The following SERPINA9 variants were observed in gnomAD, a reference collection of about 807,000 sequenced individuals.
SERPINA9 encodes serpin family A member 9, also known as serpin A9.
Under a neutral mutation model 24.5 loss-of-function variants are expected in SERPINA9, and 32 were observed. The observed-to-expected ratio is 1.30, with a 90% CI of 0.98 to 1.75. SERPINA9 has a LOEUF of 1.75. Among genes scored for constraint, SERPINA9 ranks in the 40% most tolerant of loss-of-function variants. The pLI, the probability that SERPINA9 is intolerant of heterozygous loss-of-function variation, is 0.00. For missense variants in SERPINA9, 594 were observed against 497.1 expected (o/e 1.19, Z -1.85); for synonymous variants, 233 against 197.7 (o/e 1.18, Z -1.50).
chr14:94,475,250 G>A (rs11626091), intron 1 of SERPINA9, among the ~76,000 whole-genome samples: 51,830 of 151,960 alleles, frequency 0.34, 10,259 homozygotes, highest in Admixed American at 0.44. Context: ...TCCACTGTGG[G>A]TTCCCAACCA....
rs1340092516 is a variant in SERPINA9, at chr14:94,467,145, C to A, written c.866G>T (p.Arg289Ile). 2 of 1,614,062 alleles carry A rather than the reference C, an allele frequency of 1.2e-6. No homozygotes were observed. Among genetic ancestry groups the A allele is most frequent in the African/African-American group, 2.7e-5 (2 of 74,946 alleles). Reference protein sequence around the residue: ...MRQLEQALSARTLRKWSHSLQ... With the variant: ...MRQLEQALSAITLRKWSHSLQ... The stretch of plus-strand genomic sequence containing the variant: ...TGAGTGGCTCCACTTTCTCAGTGTT[C>A]TGGCTGACAAGGCCTGTTCCAGTTG... The change falls in exon 3 of 5, where the codon AGA becomes ATA. Residue 289 changes from arginine (R) to isoleucine (I), a missense_variant. Coordinates refer to ENST00000674397, the MANE Select transcript of SERPINA9 (RefSeq NM_175739.4).
At chr14:94,470,177 C>A in intron 1 of SERPINA9, 1 of 1,073,672 alleles carries the variant, frequency 9.3e-7, no homozygotes, top group Non-Finnish European at 1.1e-6. Context: ...GATGTTTCTG[C>A]TTCATGGACT....
At position 94,462,950 on chromosome 14, in the gene SERPINA9, G is replaced by A; in HGVS notation, c.*143C>T. ...GACTGGGGTCCCTGTTGATGGTTTGGTGATTGAGCCTTGGAAGTGGCATCC... is the reference window on the plus strand; with the variant it reads ...GACTGGGGTCCCTGTTGATGGTTTGATGATTGAGCCTTGGAAGTGGCATCC... On this transcript the variant is annotated 3_prime_UTR_variant, in exon 5 of 5. Transcript: ENST00000674397. The A allele has an allele frequency of 1.5e-6, 1 of 687,814 alleles. No individual in the cohort carries two copies. The highest frequency in any genetic ancestry group is 2.6e-6 in the Non-Finnish European group (1 of 391,124). 42.6% of individuals were successfully genotyped at this position (687,814 alleles called of 1,614,324 possible).
chr14:94,465,638 C>T (rs1008943131), intron 3 of SERPINA9, among the ~76,000 whole-genome samples: 3 of 152,180 alleles, frequency 2.0e-5, no homozygotes, highest in Non-Finnish European at 4.4e-5. Flanking sequence ...AGTGTTTCTC[C>T]TGCCTCAGCC....
intron 1 of SERPINA9, among the ~76,000 whole-genome samples, chr14:94,472,005 AC>A (rs1206782761): frequency 6.6e-6 from 1 of 152,080 alleles, no homozygotes; most frequent in East Asian, 1.9e-4. Flanking sequence ...AAGAAACTTC[AC>A]CAATTTGACT....
chr14:94,466,949 T>A (rs1899029503), intron 3 of SERPINA9, among the ~76,000 whole-genome samples, 160 bp downstream of exon 3: 2 of 152,228 alleles, frequency 1.3e-5, no homozygotes, highest in South Asian at 4.1e-4. Context: ...GAACTTCAAG[T>A]GTGAACATGT....
At chr14:94,475,393 G>T (rs1328798272) in intron 1 of SERPINA9, among the ~76,000 whole-genome samples, 1 of 151,592 alleles carries the variant, frequency 6.6e-6, no homozygotes, top group African/African-American at 2.4e-5. Flanking sequence ...CTACATGTGT[G>T]CTACATATGC....
chr14:94,472,421 T>C (rs1899367092), intron 1 of SERPINA9, among the ~76,000 whole-genome samples: 1 of 152,218 alleles, frequency 6.6e-6, no homozygotes, highest in African/African-American at 2.4e-5. Context: ...ACTTCATCAC[T>C]CTCTCCCTTC....
chr14:94,469,040 A>G (rs953754999), intron 2 of SERPINA9, among the ~76,000 whole-genome samples, 173 bp downstream of exon 2: 1 of 152,212 alleles, frequency 6.6e-6, no homozygotes, highest in African/African-American at 2.4e-5. Flanking sequence ...ACTGGTAAAC[A>G]TGAGCTATCC....
Position 94,472,692 on chromosome 14 carries a change from A to AGT in SERPINA9, c.-17-2837_-17-2836dup, listed in dbSNP as rs755578713. 2.0e-5 allele frequency among the ~76,000 whole-genome samples: 3 copies of AGT among 152,198 alleles called. 1 individual carries two copies. On this transcript the variant is annotated intron_variant, in intron 1 of 4. Transcript: ENST00000674397. ...TTAGCAAACACCACTAGACACAAGAAGTGTGTGTGTGTGATGAGTAAGTAC... is the reference window on the plus strand; with the variant it reads ...TTAGCAAACACCACTAGACACAAGAAGTGTGTGTGTGTGTGATGAGTAAGTAC...
Position 94,467,287 on chromosome 14 carries a change from G to T in SERPINA9, c.724C>A (p.Gln242Lys). The T allele has an allele frequency of 6.2e-7, 1 of 1,614,116 alleles. No homozygotes were observed. Among genetic ancestry groups the T allele is most frequent in the Middle Eastern group, 1.7e-4 (1 of 6,060 alleles). Residue 242 changes from glutamine (Q) to lysine (K), a missense_variant, in exon 3 of 5, where the codon CAG (glutamine) becomes AAG (lysine). By Grantham distance (53) the Gln-to-Lys change is moderately conservative. Transcript: ENST00000674397. ...ACCCCAAAAGCGAACTGCTCTTTCT[G>T]GTGCATCATGGGGACATGCACAGTG... ...QVTVHVPMMHQKEQFAFGVDT... is the reference protein window; with the variant it reads ...QVTVHVPMMHKKEQFAFGVDT...
At chr14:94,464,385 G>A (rs1329814222) in intron 4 of SERPINA9, 3 of 431,336 alleles carry the variant, frequency 7.0e-6, no homozygotes, top group Non-Finnish European at 1.2e-5. Context: ...GCCACACTGT[G>A]ATGCCTGTGT....
chr14:94,469,132 T>A, intron 2 of SERPINA9, 81 bp downstream of exon 2: 1 of 1,322,006 alleles, frequency 7.6e-7, no homozygotes. Context: ...AGGGTTTGTC[T>A]GGCTTGTGTA....
At chr14:94,463,815 C>A (rs1898856973) in intron 4 of SERPINA9, among the ~76,000 whole-genome samples, 1 of 152,130 alleles carries the variant, frequency 6.6e-6, no homozygotes, top group Admixed American at 6.5e-5. Context: ...TTCAGGGAGG[C>A]TTGAGCTCCT....
chr14:94,464,931 G>T (rs1322219830), intron 3 of SERPINA9, 77 bp from the exon 4 acceptor site: 2 of 1,276,864 alleles, frequency 1.6e-6, no homozygotes, highest in African/African-American at 3.0e-5. Context: ...TGCCATTTTG[G>T]GAGACTCCGT....
intron 1 of SERPINA9, among the ~76,000 whole-genome samples, chr14:94,471,853 C>T (rs541093396): frequency 9.9e-5 from 15 of 152,264 alleles, no homozygotes; most frequent in East Asian, 1.9e-4. Context: ...TCTTCCTCCC[C>T]GAGACATCGC....
intron 1 of SERPINA9, among the ~76,000 whole-genome samples, chr14:94,474,901 C>T (rs1191428769): frequency 2.0e-5 from 3 of 152,212 alleles, no homozygotes; most frequent in South Asian, 2.1e-4. Context: ...TCACTCACCT[C>T]ACCTCGAATT....
intron 4 of SERPINA9, chr14:94,464,287 CT>C (rs1898882779): frequency 9.7e-6 from 2 of 206,454 alleles, no homozygotes; most frequent in Admixed American, 5.9e-5. Context: ...CTCTCTCTCT[CT>C]CTCTCTCTCT....
chr14:94,475,495 A>G (rs545179143), intron 1 of SERPINA9, among the ~76,000 whole-genome samples: 2 of 152,108 alleles, frequency 1.3e-5, no homozygotes, highest in Admixed American at 6.5e-5. Context: ...TATCTCACAT[A>G]AAAGAGAGAT....
Sources: gnomAD v4.1 joint callset for allele counts (sites outside exome capture counted in the v4.1 genomes callset) on GRCh38, gnomAD v4.1.1 for gene constraint, MANE v1.5 for transcripts, NCBI Gene and HGNC (gene_info 2026-07-23, HGNC 2026-07-21) for gene names.